The following PKP4 variants were observed in gnomAD, a reference collection of about 807,000 sequenced individuals.
PKP4 encodes plakophilin-4.
In PKP4, 90 loss-of-function variants were observed where a neutral mutation model predicts 145.1. The observed-to-expected ratio is 0.62, with a 90% CI of 0.52 to 0.74. The LOEUF is 0.74. Among genes scored for constraint, PKP4 ranks in the 30% least tolerant of loss-of-function variants. The pLI, the probability that PKP4 is intolerant of heterozygous loss-of-function variation, is 0.00. For missense variants in PKP4, 1,340 were observed against 1,482.7 expected (o/e 0.90, Z 1.58); for synonymous variants, 563 against 577.2 (o/e 0.98, Z 0.35).
At position 158,677,006 on chromosome 2, in the gene PKP4, C is replaced by CCT. The variant is rs1021570703; in HGVS notation, c.3256+140_3256+141dup. The CCT allele has an allele frequency of 1.1e-5, 11 of 1,018,034 alleles. No individual in the cohort carries two copies. The African/African-American group carries it at 1.7e-4, about 16-fold the overall frequency. The allele number at this position is 1,018,034 out of a possible 1,614,324, so 63.1% of individuals were successfully genotyped here. A position where few individuals can be genotyped will look rare whatever the true frequency, so the allele number is the denominator to read the frequency against. ...AAACCATGTTCCAGTCATTCCCTTT[C>CCT]CTACTTTGGGGATTGTTGCCTTTTC... On this transcript the variant is annotated intron_variant, in intron 20 of 21. Coordinates refer to ENST00000389759, the MANE Select transcript of PKP4 (RefSeq NM_003628.6).
intron 7 of PKP4, among the ~76,000 whole-genome samples, chr2:158,629,988 T>G (rs2053201815): frequency 6.6e-6 from 1 of 152,188 alleles, no homozygotes; most frequent in Non-Finnish European, 1.5e-5. Flanking sequence ...TGCCTCAGCC[T>G]CCCAAAGTGC....
intron 2 of PKP4, among the ~76,000 whole-genome samples, chr2:158,550,035 G>A (rs1224053419): frequency 3.4e-5 from 5 of 149,174 alleles, no homozygotes; most frequent in Admixed American, 1.3e-4. Flanking sequence ...AGGCACAGAC[G>A]GAAGATCAAA....
chr2:158,678,282 T>G (rs541054159), intron 20 of PKP4, among the ~76,000 whole-genome samples: 8 of 152,370 alleles, frequency 5.3e-5, no homozygotes, highest in African/African-American at 1.9e-4. Context: ...CTCCCACATG[T>G]GAGCAGAGCT....
chr2:158,536,010 C>T (rs2044005290), intron 2 of PKP4, among the ~76,000 whole-genome samples: 1 of 152,150 alleles, frequency 6.6e-6, no homozygotes, highest in Non-Finnish European at 1.5e-5. Context: ...AAAATGCTTA[C>T]AACAGTACCT....
intron 11 of PKP4, among the ~76,000 whole-genome samples, chr2:158,654,946 C>G (rs1383574623): frequency 2.0e-5 from 3 of 151,950 alleles, no homozygotes; most frequent in African/African-American, 4.8e-5. Context: ...GGTATTTCTT[C>G]CTCATTATAT....
At chr2:158,628,680 TC>T (rs1323730531) in intron 7 of PKP4, among the ~76,000 whole-genome samples, 4 of 152,354 alleles carry the variant, frequency 2.6e-5, no homozygotes, top group African/African-American at 9.6e-5. Flanking sequence ...TTGTTACCTT[TC>T]TCATGAAATC....
intron 2 of PKP4, among the ~76,000 whole-genome samples, chr2:158,544,657 TC>T (rs1167426814): frequency 6.6e-6 from 1 of 152,172 alleles, no homozygotes; most frequent in Non-Finnish European, 1.5e-5. Flanking sequence ...GAATTGAACA[TC>T]CCACCAGGAG....
intron 9 of PKP4, among the ~76,000 whole-genome samples, chr2:158,635,160 C>T (rs1182980049): frequency 6.6e-6 from 1 of 152,100 alleles, no homozygotes; most frequent in Admixed American, 6.6e-5. Flanking sequence ...TAGCAGCCTA[C>T]CAACTTGTTT....
intron 2 of PKP4, among the ~76,000 whole-genome samples, chr2:158,568,368 C>T (rs146684354): frequency 3.9e-5 from 6 of 152,176 alleles, no homozygotes; most frequent in Admixed American, 3.3e-4. Context: ...GGTTTCTAAA[C>T]CCCACCCCTC....
intron 2 of PKP4, among the ~76,000 whole-genome samples, chr2:158,554,754 C>G (rs1559316922): frequency 6.6e-6 from 1 of 152,110 alleles, no homozygotes; most frequent in South Asian, 2.1e-4. Context: ...AAATTGCTAT[C>G]CATTGGTCTT....
intron 2 of PKP4, among the ~76,000 whole-genome samples, chr2:158,551,868 AC>A (rs1350385634): frequency 6.6e-6 from 1 of 152,218 alleles, no homozygotes; most frequent in Non-Finnish European, 1.5e-5. Flanking sequence ...AACAACTATA[AC>A]TTTTTTATAG....
intron 11 of PKP4, among the ~76,000 whole-genome samples, chr2:158,643,878 G>A (rs1007769140): frequency 7.9e-5 from 12 of 151,964 alleles, no homozygotes; most frequent in Admixed American, 3.3e-4. Context: ...CGATTCTCTC[G>A]CCTCAGCCTC....
chr2:158,484,855 TGG>T (rs1559207471), intron 1 of PKP4, among the ~76,000 whole-genome samples: 1 of 152,236 alleles, frequency 6.6e-6, no homozygotes. Flanking sequence ...CAGCCCCATA[TGG>T]ACTTGTTAGA....
intron 4 of PKP4, among the ~76,000 whole-genome samples, chr2:158,607,630 G>A (rs569409833): frequency 4.6e-5 from 7 of 152,238 alleles, no homozygotes; most frequent in South Asian, 4.1e-4. Flanking sequence ...GATGCCACCC[G>A]TGCCAGAAAT....
In PKP4 at chr2:158,680,421, GTCAACAGCA is replaced by G; in HGVS notation, c.3332_3340del (p.His1111_Gln1113del). The stretch of plus-strand genomic sequence containing the variant: ...TTTTATTTATTTGCCTTTTCATTTT[GTCAACAGCA>G]TCAACAGCTGTATTATAGTCAAGAT... On this transcript the variant is annotated splice_acceptor_variant and splice_polypyrimidine_tract_variant and coding_sequence_variant and intron_variant, in exon 22 of 22. Transcript: ENST00000389759. LOFTEE classifies it high-confidence loss of function. The G allele has an allele frequency of 1.3e-6, 2 of 1,559,646 alleles. No individual in the cohort carries two copies. Among genetic ancestry groups the G allele is most frequent in the Non-Finnish European group, 1.7e-6 (2 of 1,153,936 alleles).
At chr2:158,540,460 T>G (rs190562114) in intron 2 of PKP4, among the ~76,000 whole-genome samples, 3 of 152,334 alleles carry the variant, frequency 2.0e-5, no homozygotes, top group Admixed American at 2.0e-4. Context: ...AAGACTACTC[T>G]GAGCAAAGCA....
intron 4 of PKP4, among the ~76,000 whole-genome samples, chr2:158,604,627 G>A (rs2050502549): frequency 6.6e-6 from 1 of 152,022 alleles, no homozygotes; most frequent in African/African-American, 2.4e-5. Flanking sequence ...TGGGAGGATG[G>A]TACAGTTAAA....
intron 20 of PKP4, 85 bp from the exon 21 acceptor site, chr2:158,678,496 T>A: frequency 1.1e-6 from 1 of 919,094 alleles, no homozygotes; most frequent in South Asian, 1.3e-5. Flanking sequence ...GGGACAGTGC[T>A]AGCCCTAGTG....
At chr2:158,538,839 GC>G in intron 2 of PKP4, among the ~76,000 whole-genome samples, 1 of 152,072 alleles carries the variant, frequency 6.6e-6, no homozygotes. Flanking sequence ...ACCACACCTG[GC>G]CCACAAACCG....
Sources: gnomAD v4.1 joint callset for allele counts (sites outside exome capture counted in the v4.1 genomes callset) on GRCh38, gnomAD v4.1.1 for gene constraint, MANE v1.5 for transcripts, NCBI Gene and HGNC (gene_info 2026-07-23, HGNC 2026-07-21) for gene names.